Variants in HTR3E observed in about 807,000 individuals in gnomAD.
The protein encoded by HTR3E is 5-hydroxytryptamine receptor 3E, also known as 5-hydroxytryptamine (serotonin) receptor 3, family member E.
Under a neutral mutation model 38.0 loss-of-function variants are expected in HTR3E, and 38 were observed. The ratio of observed to expected loss-of-function variants is 1.00; its 90% CI spans 0.77 to 1.31. The LOEUF is 1.31. HTR3E is among the 50% of genes most tolerant of loss of function. The pLI is 0.00. For missense variants in HTR3E, 547 were observed against 585.2 expected (o/e 0.93, Z 0.67); for synonymous variants, 210 against 232.9 (o/e 0.90, Z 0.89).
chr3:184,102,533 T>G (rs996974765), intron 3 of HTR3E, among the ~76,000 whole-genome samples: 2 of 149,866 alleles, frequency 1.3e-5, no homozygotes, highest in Middle Eastern at 3.2e-3. Context: ...TAATGTTAAA[T>G]GATGAGTTAA....
chr3:184,098,631 G>A (rs1273858347), intron 1 of HTR3E, among the ~76,000 whole-genome samples: 1 of 152,176 alleles, frequency 6.6e-6, no homozygotes, highest in Non-Finnish European at 1.5e-5. Flanking sequence ...CTGTGACGTT[G>A]GGAATGGATA....
At position 184,105,403 on chromosome 3, in the gene HTR3E, C is replaced by T; in HGVS notation, c.696C>T (p.Asn232=). ...KATAKLSRGG[N]LYDQIVFYVA... The stretch of plus-strand genomic sequence containing the variant: ...CCGCAAAGTTGTCCAGGGGAGGCAA[C>T]CTGTATGATCAGATCGTGTTCTATG... The change falls in exon 6 of 9, where the codon AAC becomes AAT. Residue 232 remains asparagine (N), a synonymous_variant. Transcript: ENST00000415389. 1.9e-6 allele frequency: 3 copies of T among 1,612,794 alleles called. No individual in the cohort carries two copies. The highest frequency in any genetic ancestry group is 2.5e-6 in the Non-Finnish European group (3 of 1,179,624).
rs750063463 is a variant in HTR3E at position 184,100,385 on chromosome 3, A to G, written c.68-100A>G. The G allele has an allele frequency of 5.6e-6, 9 of 1,613,702 alleles. No individual in the cohort carries two copies. Among genetic ancestry groups the G allele is most frequent in the Admixed American group, 5.0e-5 (3 of 59,970 alleles). On this transcript the variant is annotated intron_variant, in intron 1 of 8. Transcript: ENST00000415389. ...CAGTGCTCAACAAATGTTAGCTTTC[A>G]TTTTATCACGGGCGACCCCACGCCC...
intron 1 of HTR3E, among the ~76,000 whole-genome samples, chr3:184,099,257 A>G (rs1313103641): frequency 1.3e-5 from 2 of 150,552 alleles, no homozygotes; most frequent in Non-Finnish European, 3.0e-5. Flanking sequence ...AAATTAGCCA[A>G]GTGTGGTGGG....
intron 6 of HTR3E, 93 bp downstream of exon 6, chr3:184,105,520 C>T: frequency 7.2e-7 from 1 of 1,380,930 alleles, no homozygotes; most frequent in Non-Finnish European, 9.8e-7. Flanking sequence ...GTTTCAGGGT[C>T]TCCCAATGTT....
rs781039378 is a variant in HTR3E at position 184,106,148 on chromosome 3, C to G, written c.946C>G (p.Leu316Val). 1.2e-6 allele frequency: 2 copies of G among 1,613,256 alleles called. No individual in the cohort carries two copies. Among genetic ancestry groups the G allele is most frequent in the Non-Finnish European group, 1.7e-6 (2 of 1,180,010 alleles). Residue 316 changes from leucine to valine, a missense_variant, in exon 8 of 9, where the codon CTG (leucine) becomes GTG (valine). Leu to Val is a conservative substitution (Grantham distance 32). Coordinates refer to ENST00000415389, the MANE Select transcript of HTR3E (RefSeq NM_001256613.2). This position sits in a 1 kb window ranked among gnomAD's most constrained non-coding sequence, Gnocchi z 4.1. ...TCCAGGTGTCTACTTCGCCCTGTGCCTGTCCCTGATGGTGGGCAGCCTGCT... is the reference window on the plus strand; with the variant it reads ...TCCAGGTGTCTACTTCGCCCTGTGCGTGTCCCTGATGGTGGGCAGCCTGCT... Reference protein sequence around the residue: ...PLIGVYFALCLSLMVGSLLET... With the variant: ...PLIGVYFALCVSLMVGSLLET...
At position 184,106,269 on chromosome 3, in the gene HTR3E, G is replaced by C. The variant is rs1257598055; in HGVS notation, c.1067G>C (p.Ser356Thr). 3.7e-6 allele frequency: 6 copies of C among 1,613,128 alleles called. No individual in the cohort carries two copies. The South Asian group carries it at 6.6e-5, about 18-fold the overall frequency. ...CACTCCCTGCTGCTCCACTGCAACA[G>C]CCCGGGGAGATGCTGTCCCACTGCG... ...WLHSLLLHCN[S>T]PGRCCPTAPQ... Residue 356 changes from serine to threonine, a missense_variant, in exon 8 of 9, where the codon AGC (serine) becomes ACC (threonine). Physicochemically the swap from Ser to Thr is moderately conservative, Grantham distance 58. Coordinates refer to ENST00000415389, the MANE Select transcript of HTR3E (RefSeq NM_001256613.2). This position sits in a 1 kb window ranked among gnomAD's most constrained non-coding sequence, Gnocchi z 4.1.
chr3:184,105,265 A>C lies in HTR3E; in HGVS notation c.560-2A>C. On this transcript the variant is annotated splice_acceptor_variant, in intron 5 of 8. Transcript: ENST00000415389. LOFTEE classifies it high-confidence loss of function. ...AATGATTCAGATGGTTCTCATTTTC[A>C]GTGGACAGCATGTTGCTGGACATGG... The C allele has an allele frequency of 6.2e-7, 1 of 1,604,544 alleles. No homozygotes were observed. Among genetic ancestry groups the C allele is most frequent in the Non-Finnish European group, 8.5e-7 (1 of 1,176,542 alleles).
intron 3 of HTR3E, among the ~76,000 whole-genome samples, chr3:184,102,362 C>A (rs1450010853): frequency 6.6e-6 from 1 of 150,824 alleles, no homozygotes; most frequent in African/African-American, 2.4e-5. Context: ...TACTGGGGAG[C>A]CTGAGATGGG....
chr3:184,105,633 C>T (rs1577014137), intron 6 of HTR3E, 132 bp from the exon 7 acceptor site: 5 of 923,026 alleles, frequency 5.4e-6, no homozygotes, highest in Non-Finnish European at 8.3e-6. Context: ...AAGCTGCATT[C>T]CCCACAGCTC....
chr3:184,097,768 G>A (rs978783013), intron 1 of HTR3E, among the ~76,000 whole-genome samples, 172 bp downstream of exon 1: 1 of 152,068 alleles, frequency 6.6e-6, no homozygotes, highest in Non-Finnish European at 1.5e-5. Flanking sequence ...TCTGAAAGAC[G>A]GAAAATCCCC....
At chr3:184,102,498 G>C (rs1370737359) in intron 3 of HTR3E, among the ~76,000 whole-genome samples, 2 of 120,976 alleles carry the variant, frequency 1.7e-5, no homozygotes, top group African/African-American at 6.2e-5. Context: ...GGGGAGGGGG[G>C]AGGGATGGCA....
rs765518145 is a variant in HTR3E at position 184,106,660 on chromosome 3, T to C, written c.1338T>C (p.Ser446=). Residue 446 remains serine, a synonymous_variant, in exon 9 of 9, where the codon TCT becomes TCC. Coordinates refer to ENST00000415389, the MANE Select transcript of HTR3E (RefSeq NM_001256613.2). This position sits in a 1 kb window ranked among gnomAD's most constrained non-coding sequence, Gnocchi z 4.1. ...FRLYLLFMAS[S]IITVICLWNT is the part of the protein sequence containing the mutation. ...TCTACCTGCTCTTCATGGCCTCCTC[T>C]ATCATCACCGTCATATGCCTCTGGA... 4.3e-5 allele frequency: 69 copies of C among 1,614,152 alleles called. No homozygotes were observed. The African/African-American group carries it at 6.7e-4, about 16-fold the overall frequency.
In HTR3E at chr3:184,106,953, C is replaced by T. The variant is rs987702746; in HGVS notation, c.*260C>T. On this transcript the variant is annotated 3_prime_UTR_variant, in exon 9 of 9. Transcript: ENST00000415389. This position sits in a 1 kb window ranked among gnomAD's most constrained non-coding sequence, Gnocchi z 4.1. ...ACGTCATCTGCATAGCAGACTATAC[C>T]TCTTCTGTCCGCTGACTTGCCCAAT... 1 of 438,452 alleles carries T rather than the reference C, an allele frequency of 2.3e-6. No individual in the cohort carries two copies. Among genetic ancestry groups the T allele is most frequent in the Non-Finnish European group, 4.0e-6 (1 of 247,316 alleles). The allele number at this position is 438,452 out of a possible 1,614,324, so 27.2% of individuals were successfully genotyped here.
At chr3:184,100,090 G>A (rs1411210939) in intron 1 of HTR3E, 2 of 1,226,278 alleles carry the variant, frequency 1.6e-6, no homozygotes, top group African/African-American at 1.5e-5. Flanking sequence ...AGAGCCCAGC[G>A]TCTGGACCCC....
intron 3 of HTR3E, among the ~76,000 whole-genome samples, chr3:184,103,628 CA>C (rs11441494): frequency 0.35 from 27,255 of 78,772 alleles, 3,337 homozygotes; most frequent in South Asian, 0.45. Context: ...GACTCCATCT[CA>C]AAAAAAAAAA....
chr3:184,099,486 G>A (rs527899936), intron 1 of HTR3E, among the ~76,000 whole-genome samples: 2 of 151,948 alleles, frequency 1.3e-5, no homozygotes, highest in South Asian at 2.1e-4. Flanking sequence ...AGGCCGAGGC[G>A]GGTGGATCAT....
chr3:184,100,294 G>A, intron 1 of HTR3E, 191 bp from the exon 2 acceptor site: 1 of 1,436,520 alleles, frequency 7.0e-7, no homozygotes, highest in Non-Finnish European at 9.6e-7. Context: ...CTACCTGATA[G>A]GGGATTGGGA....
intron 1 of HTR3E, chr3:184,100,073 G>A (rs1425290791): frequency 1.1e-5 from 13 of 1,160,860 alleles, no homozygotes; most frequent in South Asian, 6.7e-5. Flanking sequence ...CCCGGGCCTC[G>A]GAAGGAAGAG....
Sources: gnomAD v4.1 joint callset for allele counts (sites outside exome capture counted in the v4.1 genomes callset) on GRCh38, gnomAD v4.1.1 for gene constraint, Gnocchi (gnomAD v3.1) non-coding constraint, MANE v1.5 for transcripts, NCBI Gene and HGNC (gene_info 2026-07-23, HGNC 2026-07-21) for gene names.